Variants in SEL1L3 observed in about 807,000 individuals in gnomAD.
SEL1L3 encodes protein sel-1 homolog 3.
In SEL1L3, 76 loss-of-function variants were observed where a neutral mutation model predicts 142.8. The ratio of observed to expected loss-of-function variants is 0.53; its 90% CI spans 0.44 to 0.64. The LOEUF (loss-of-function observed/expected upper bound fraction) is 0.64. Ranked by LOEUF, SEL1L3 falls within the 30% of genes least tolerant of loss-of-function variation. The probability of loss-of-function intolerance (pLI) is 0.00; values close to 1 mark genes in which losing one functional copy is unlikely to be tolerated. For missense variants in SEL1L3, 1,262 were observed against 1,381.7 expected (o/e 0.91, Z 1.37); for synonymous variants, 504 against 519.6 (o/e 0.97, Z 0.41).
At chr4:25,813,001 G>C (rs545781152) in intron 9 of SEL1L3, among the ~76,000 whole-genome samples, 35 of 152,216 alleles carry the variant, frequency 2.3e-4, no homozygotes, top group Non-Finnish European at 4.6e-4. Context: ...GACAGAGCCA[G>C]ATTCTGTCTC....
chr4:25,714,498 CTTTT>C, the SEL1L3 span, among the ~76,000 whole-genome samples: 25 of 48,692 alleles, frequency 5.1e-4, no homozygotes, highest in Admixed American at 3.7e-3. Context: ...CTCTTTCTTT[CTTTT>C]TCTTTCTTTC....
At position 25,788,223 on chromosome 4, in the gene SEL1L3, C is replaced by T. The variant is rs1711992924; in HGVS notation, c.2217+1G>A. On this transcript the variant is annotated splice_donor_variant, in intron 13 of 23. Coordinates refer to ENST00000399878, the MANE Select transcript of SEL1L3 (RefSeq NM_015187.5). LOFTEE classifies it high-confidence loss of function. The surrounding 1 kb of genome is among the most constrained non-coding windows in gnomAD (Gnocchi z 5.3). Reference sequence around the variant, plus strand: ...TTCAGCACGAATTAAGTGATTCTTACCTTGAATAGCACAATGGCATAGTCA... The same window carrying T: ...TTCAGCACGAATTAAGTGATTCTTATCTTGAATAGCACAATGGCATAGTCA... The T allele has an allele frequency of 6.2e-7, 1 of 1,613,226 alleles. No individual in the cohort carries two copies. The highest frequency in any genetic ancestry group is 1.7e-5 in the Admixed American group (1 of 59,982).
chr4:25,818,198 C>T lies in SEL1L3; in HGVS notation c.1504G>A (p.Glu502Lys). The T allele has an allele frequency of 6.2e-7, 1 of 1,607,984 alleles. No homozygotes were observed. The highest frequency in any genetic ancestry group is 8.5e-7 in the Non-Finnish European group (1 of 1,177,208). ...AAGCTGGGGTGTTTGTCTTTCAGCTCCTTCTCCCAGGGGAAGGCTCTGCAC... is the reference window on the plus strand; with the variant it reads ...AAGCTGGGGTGTTTGTCTTTCAGCTTCTTCTCCCAGGGGAAGGCTCTGCAC... ...SMCRAFPWEK[E>K]LKDKHPSLFQ... Residue 502 changes from glutamate (E) to lysine (K), a missense_variant, in exon 9 of 24, where the codon GAG becomes AAG. By Grantham distance (56) the Glu-to-Lys change is moderately conservative. Transcript: ENST00000399878.
chr4:25,843,194 T>C (rs1716281345), intron 2 of SEL1L3, among the ~76,000 whole-genome samples: 1 of 150,480 alleles, frequency 6.6e-6, no homozygotes, highest in Non-Finnish European at 1.5e-5. Flanking sequence ...CATGGGTTGA[T>C]CTTAACTGGG....
intron 17 of SEL1L3, among the ~76,000 whole-genome samples, chr4:25,774,360 C>G (rs1260087244): frequency 1.3e-5 from 2 of 152,140 alleles, no homozygotes; most frequent in Non-Finnish European, 2.9e-5. Flanking sequence ...GGAACTGAAT[C>G]CAAACTCACA....
In SEL1L3 at chr4:25,862,912, C is replaced by T; in HGVS notation, c.-76G>A. 1 of 973,762 alleles carries T rather than the reference C, an allele frequency of 1.0e-6. No homozygotes were observed. Among genetic ancestry groups the T allele is most frequent in the Non-Finnish European group, 1.2e-6 (1 of 816,908 alleles). The allele number at this position is 973,762 out of a possible 1,614,324, so 60.3% of individuals were successfully genotyped here. Reference sequence around the variant, plus strand: ...GGCCCCCGCCCGAGGCGCCACCTTCCCGCCCGCCCCCGGCCGGGCCGGCCG... The same window carrying T: ...GGCCCCCGCCCGAGGCGCCACCTTCTCGCCCGCCCCCGGCCGGGCCGGCCG... On this transcript the variant is annotated 5_prime_UTR_variant, in exon 1 of 24. Transcript: ENST00000399878.
rs574965369 is a variant in SEL1L3, at chr4:25,751,748, A to G, written c.3260-3184T>C. ...GATCAAGACATTGACTAATCTATTGAAAGTATCAATTGAGCTATCTTGGTA... is the reference window on the plus strand; with the variant it reads ...GATCAAGACATTGACTAATCTATTGGAAGTATCAATTGAGCTATCTTGGTA... On this transcript the variant is annotated intron_variant, in intron 23 of 23. Coordinates refer to ENST00000399878, the MANE Select transcript of SEL1L3 (RefSeq NM_015187.5). Among the ~76,000 whole-genome samples the G allele has an allele frequency of 5.3e-5, 8 of 151,452 alleles. No individual in the cohort carries two copies. The South Asian group carries it at 1.7e-3, about 32-fold the overall frequency.
intron 2 of SEL1L3, among the ~76,000 whole-genome samples, chr4:25,838,574 A>G (rs1715977401): frequency 6.6e-6 from 1 of 152,114 alleles, no homozygotes; most frequent in Non-Finnish European, 1.5e-5. Flanking sequence ...ACCTGTGCGG[A>G]TATACTGGTT....
At chr4:25,736,243 G>GT in the SEL1L3 span, among the ~76,000 whole-genome samples, 1 of 148,298 alleles carries the variant, frequency 6.7e-6, no homozygotes, top group Non-Finnish European at 1.5e-5. Flanking sequence ...GTGTGTGTGT[G>GT]ATGGAGTTTT....
At chr4:25,714,593 A>G in the SEL1L3 span, among the ~76,000 whole-genome samples, 801 of 119,018 alleles carry the variant, frequency 6.7e-3, 11 homozygotes, top group African/African-American at 0.025. Context: ...TTTTTTTGAG[A>G]CAGAGTCTTG....
chr4:25,796,937 T>C (rs1269968269), intron 11 of SEL1L3, among the ~76,000 whole-genome samples: 1 of 134,114 alleles, frequency 7.5e-6, no homozygotes, highest in East Asian at 2.2e-4. Flanking sequence ...GGAAGAGAGG[T>C]AATGAAAGAA....
intron 10 of SEL1L3, among the ~76,000 whole-genome samples, chr4:25,803,790 T>G (rs76769984): frequency 0.035 from 5,276 of 152,046 alleles, 225 homozygotes; most frequent in African/African-American, 0.1. Flanking sequence ...TGTTTTTTTT[T>G]TTGTTGTTGT....
chr4:25,824,621 T>C (rs1714977161), intron 6 of SEL1L3, among the ~76,000 whole-genome samples: 1 of 152,220 alleles, frequency 6.6e-6, no homozygotes, highest in African/African-American at 2.4e-5. Flanking sequence ...GAATAAGATG[T>C]GCATACTCTC....
At chr4:25,853,664 C>CTTTTTTTTTTTTTTTTTTTTTT (rs34922528) in intron 1 of SEL1L3, among the ~76,000 whole-genome samples, 2 of 83,004 alleles carry the variant, frequency 2.4e-5, no homozygotes, top group Non-Finnish European at 4.2e-5. Flanking sequence ...CTCTTCTTAC[C>CTTTTTTTTTTTTTTTTTTTTTT]TTTTTTTTTT....
chr4:25,763,122 T>A (rs1718493392), intron 20 of SEL1L3, among the ~76,000 whole-genome samples: 1 of 152,128 alleles, frequency 6.6e-6, no homozygotes, highest in Admixed American at 6.5e-5. Flanking sequence ...TTTATTTTTC[T>A]TGAAAAAATT....
intron 4 of SEL1L3, 37 bp from the exon 5 acceptor site, chr4:25,833,147 A>G (rs1715553693): frequency 8.5e-7 from 1 of 1,170,100 alleles, no homozygotes; most frequent in African/African-American, 1.5e-5. Context: ...AATGAGCAAA[A>G]AATATCTACG....
intron 6 of SEL1L3, among the ~76,000 whole-genome samples, chr4:25,829,242 G>C (rs2109275973): frequency 6.6e-6 from 1 of 152,252 alleles, no homozygotes; most frequent in East Asian, 1.9e-4. Flanking sequence ...CAAAGCGCTG[G>C]GATTACAGGC....
At chr4:25,827,242 C>T (rs1374260348) in intron 6 of SEL1L3, among the ~76,000 whole-genome samples, 2 of 152,156 alleles carry the variant, frequency 1.3e-5, no homozygotes, top group Non-Finnish European at 2.9e-5. Context: ...AAATCTCCAG[C>T]CCCTCAGATT....
the SEL1L3 span, chr4:25,719,826 C>T: frequency 3.3e-5 from 5 of 152,110 alleles, no homozygotes; most frequent in African/African-American, 1.2e-4. Context: ...ACGGCAGCTT[C>T]GCAGACAGCA....
Sources: gnomAD v4.1 joint callset for allele counts (sites outside exome capture counted in the v4.1 genomes callset) on GRCh38, gnomAD v4.1.1 for gene constraint, Gnocchi (gnomAD v3.1) non-coding constraint, MANE v1.5 for transcripts, NCBI Gene and HGNC (gene_info 2026-07-23, HGNC 2026-07-21) for gene names.